The following ALDOC variants were observed in gnomAD, a reference collection of about 807,000 sequenced individuals.
ALDOC encodes fructose-bisphosphate aldolase C.
A neutral mutation model predicts 39.5 loss-of-function variants in ALDOC; 23 were observed. The observed-to-expected ratio is 0.58, with a 90% CI of 0.42 to 0.82. The LOEUF is 0.82. Ranked by LOEUF, ALDOC falls within the 40% of genes least tolerant of loss-of-function variation. The probability of loss-of-function intolerance (pLI) is 0.00; values close to 1 mark genes in which losing one functional copy is unlikely to be tolerated. For missense variants in ALDOC, 356 were observed against 479.1 expected (o/e 0.74, Z 2.40); for synonymous variants, 160 against 182.6 (o/e 0.88, Z 1.00).
chr17:28,576,879 G>A lies in ALDOC; in HGVS notation c.-91C>T. The A allele has an allele frequency of 3.0e-6, 3 of 985,500 alleles. No homozygotes were observed. The highest frequency in any genetic ancestry group is 3.6e-6 in the Non-Finnish European group (3 of 829,998). 61.0% of individuals were successfully genotyped at this position (985,500 alleles called of 1,614,324 possible). On this transcript the variant is annotated 5_prime_UTR_variant, in exon 1 of 9. Transcript: ENST00000226253. Reference sequence around the variant, plus strand: ...CGCAAACAGATGAGGCTGCAGCCCTGGCTCCCTCTGGTAAATGAGGCTGCG... The same window carrying A: ...CGCAAACAGATGAGGCTGCAGCCCTAGCTCCCTCTGGTAAATGAGGCTGCG...
At position 28,573,364 on chromosome 17, in the gene ALDOC, C is replaced by T. The variant is rs117983797; in HGVS notation, c.*162G>A. ...CTCCCTATCCTCCCATCCTATGGTC[C>T]CAGGTGCAGCAATGAGAGAGGGGAA... is the stretch of plus-strand genomic sequence containing the variant. On this transcript the variant is annotated 3_prime_UTR_variant, in exon 9 of 9. Coordinates refer to ENST00000226253, the MANE Select transcript of ALDOC (RefSeq NM_005165.3). The surrounding 1 kb of genome is among the most constrained non-coding windows in gnomAD (Gnocchi z 4.3). The T allele has an allele frequency of 0.038, 26,260 of 688,676 alleles. 658 individuals carry two copies. The highest frequency in any genetic ancestry group is 0.046 in the Non-Finnish European group (17,498 of 383,980). 42.7% of individuals were successfully genotyped at this position (688,676 alleles called of 1,614,324 possible).
Position 28,575,385 on chromosome 17 carries a change from CACCTGT to C in ALDOC, c.112+30_112+35del, listed in dbSNP as rs778695903. On this transcript the variant is annotated intron_variant, in intron 2 of 8. Transcript: ENST00000226253. This position sits in a 1 kb window ranked among gnomAD's most constrained non-coding sequence, Gnocchi z 4.3. The stretch of plus-strand genomic sequence containing the variant: ...GAGAACATCCCCAGGGTCCCCTAGC[CACCTGT>C]ACCCTACCTGGCTACAGATGTCCAC... The C allele has an allele frequency of 1.9e-6, 3 of 1,614,082 alleles. No homozygotes were observed. The East Asian group carries it at 6.7e-5, about 36-fold the overall frequency.
rs749834508 is a variant in ALDOC at position 28,573,538 on chromosome 17, G to C, written c.1083C>G (p.Asn361Lys). 5 of 1,614,134 alleles carry C rather than the reference G, an allele frequency of 3.1e-6. No individual in the cohort carries two copies. The highest frequency in any genetic ancestry group is 1.7e-5 in the Admixed American group (1 of 60,032). ...GAAAQSLYIA[N>K]HAY ...ATGGAGTGGATACTCAGTAGGCATG[G>C]TTGGCAATGTAGAGTGACTGTGCTG... The change falls in exon 9 of 9, where the codon AAC (asparagine) becomes AAG (lysine). Residue 361 changes from asparagine (N) to lysine (K), a missense_variant. By Grantham distance (94) the Asn-to-Lys change is moderately conservative (BLOSUM62 0). Coordinates refer to ENST00000226253, the MANE Select transcript of ALDOC (RefSeq NM_005165.3). The surrounding 1 kb of genome is among the most constrained non-coding windows in gnomAD (Gnocchi z 4.3).
In ALDOC at chr17:28,575,370, C is replaced by T. The variant is rs766976748; in HGVS notation, c.113-36G>A. 2 of 1,614,038 alleles carry T rather than the reference C, an allele frequency of 1.2e-6. No homozygotes were observed. Among genetic ancestry groups the T allele is most frequent in the South Asian group, 1.1e-5 (1 of 91,088 alleles). On this transcript the variant is annotated intron_variant, in intron 2 of 8. Coordinates refer to ENST00000226253, the MANE Select transcript of ALDOC (RefSeq NM_005165.3). The surrounding 1 kb of genome is among the most constrained non-coding windows in gnomAD (Gnocchi z 4.3). ...ACAAAGAGAGGCAGTGAGAACATCC[C>T]CAGGGTCCCCTAGCCACCTGTACCC... is the stretch of plus-strand genomic sequence containing the variant.
rs2151517436 is a variant in ALDOC at position 28,575,708 on chromosome 17, A to C, written c.-12-164T>G. 3.4e-6 allele frequency: 3 copies of C among 870,416 alleles called. No individual in the cohort carries two copies. The South Asian group carries it at 5.4e-5, about 16-fold the overall frequency. 53.9% of individuals were successfully genotyped at this position (870,416 alleles called of 1,614,324 possible). A position where few individuals can be genotyped will look rare whatever the true frequency, so the allele number is the denominator to read the frequency against. On this transcript the variant is annotated intron_variant, in intron 1 of 8. Transcript: ENST00000226253. The surrounding 1 kb of genome is among the most constrained non-coding windows in gnomAD (Gnocchi z 4.3). ...GGCACCAGTCCTTCTGACAGCTAGCAAGCTTAGGGCTCCAGTTCCCACATC... is the reference window on the plus strand; with the variant it reads ...GGCACCAGTCCTTCTGACAGCTAGCCAGCTTAGGGCTCCAGTTCCCACATC...
In ALDOC at chr17:28,574,147, C is replaced by T; in HGVS notation, c.719G>A (p.Cys240Tyr). 1 of 1,612,042 alleles carries T rather than the reference C, an allele frequency of 6.2e-7. No homozygotes were observed. Among genetic ancestry groups the T allele is most frequent in the South Asian group, 1.1e-5 (1 of 90,812 alleles). Residue 240 changes from cysteine (C) to tyrosine (Y), a missense_variant, in exon 7 of 9, where the codon TGT becomes TAT. By Grantham distance (194) the Cys-to-Tyr change is radical (BLOSUM62 -2). Coordinates refer to ENST00000226253, the MANE Select transcript of ALDOC (RefSeq NM_005165.3). ...KPNMVTPGHA[C>Y]PIKYTPEEIA... ...CTCCTCTGGGGTATACTTGATGGGA[C>T]AGGCATGGCCCGGGGTCACCATGTT...
rs765845189 is a variant in ALDOC, at chr17:28,574,090, C to T, written c.776G>A (p.Arg259His). Reference sequence around the variant, plus strand: ...ACCTGGGACAGCTGGGGGCACAGTGCGACGCAGGGCAGTGACAGTTGCCAT... The same window carrying T: ...ACCTGGGACAGCTGGGGGCACAGTGTGACGCAGGGCAGTGACAGTTGCCAT... Reference protein sequence around the residue: ...IAMATVTALRRTVPPAVPGVT... With the variant: ...IAMATVTALRHTVPPAVPGVT... Residue 259 changes from arginine (R) to histidine (H), a missense_variant, in exon 7 of 9, where the codon CGC (arginine) becomes CAC (histidine). Coordinates refer to ENST00000226253, the MANE Select transcript of ALDOC (RefSeq NM_005165.3). The T allele has an allele frequency of 1.7e-5, 27 of 1,598,850 alleles. No homozygotes were observed. The highest frequency in any genetic ancestry group is 5.1e-5 in the Admixed American group (3 of 58,878).
chr17:28,575,593 C>G lies in ALDOC; in HGVS notation c.-12-49G>C. 6.3e-7 allele frequency: 1 copy of G among 1,578,510 alleles called. No individual in the cohort carries two copies. ...AGCCAGACCTCACCCTCTGCTGCCTCTCCTGGCCAGATGGGCCAAATGGCC... is the reference window on the plus strand; with the variant it reads ...AGCCAGACCTCACCCTCTGCTGCCTGTCCTGGCCAGATGGGCCAAATGGCC... On this transcript the variant is annotated intron_variant, in intron 1 of 8. Coordinates refer to ENST00000226253, the MANE Select transcript of ALDOC (RefSeq NM_005165.3). The surrounding 1 kb of genome is among the most constrained non-coding windows in gnomAD (Gnocchi z 4.3).
rs571164101 is a variant in ALDOC, at chr17:28,573,934, C to G, written c.800G>C (p.Gly267Ala). The G allele has an allele frequency of 1.9e-5, 30 of 1,614,088 alleles. No homozygotes were observed. In the African/African-American group the frequency reaches 3.6e-4, roughly 19 times the overall value. ...LRRTVPPAVP[G>A]VTFLSGGQSE... ...CTGACCCCCAGACAGGAAGGTCACT[C>G]CTAGTGTGGAGGAGAGAAGACAAAC... Residue 267 changes from glycine (G) to alanine (A), a missense_variant and splice_region_variant, in exon 8 of 9, where the codon GGA becomes GCA. Transcript: ENST00000226253. The surrounding 1 kb of genome is among the most constrained non-coding windows in gnomAD (Gnocchi z 4.3).
At chr17:28,574,656 A>G (rs1165965815) in intron 5 of ALDOC, 40 bp downstream of exon 5, 1 of 1,613,912 alleles carries the variant, frequency 6.2e-7, no homozygotes, top group East Asian at 2.2e-5. Context: ...CCCACCAGGC[A>G]TACAGGGCAC....
chr17:28,576,000 G>A lies in ALDOC; in HGVS notation c.-12-456C>T. 1 of 1,003,630 alleles carries A rather than the reference G, an allele frequency of 1.0e-6. No homozygotes were observed. Among genetic ancestry groups the A allele is most frequent in the Non-Finnish European group, 1.2e-6 (1 of 840,106 alleles). 62.2% of individuals were successfully genotyped at this position (1,003,630 alleles called of 1,614,324 possible). On this transcript the variant is annotated intron_variant, in intron 1 of 8. Transcript: ENST00000226253. This position sits in a 1 kb window ranked among gnomAD's most constrained non-coding sequence, Gnocchi z 4.3. The stretch of plus-strand genomic sequence containing the variant: ...TCAGAATGAGGCAAAAGTACTTATT[G>A]CCACCCTCTTCTCTCAGCTTCTAGA...
chr17:28,574,075 G>C lies in ALDOC; in HGVS notation c.791C>G (p.Ala264Gly). ...VTALRRTVPP[A>G]VPGVTFLSGG... ...AGGGAGCTGGGTAGTACCTGGGACA[G>C]CTGGGGGCACAGTGCGACGCAGGGC... Residue 264 changes from alanine to glycine, a missense_variant, in exon 7 of 9, where the codon GCT (alanine) becomes GGT (glycine). Coordinates refer to ENST00000226253, the MANE Select transcript of ALDOC (RefSeq NM_005165.3). The C allele has an allele frequency of 6.3e-7, 1 of 1,596,360 alleles. No individual in the cohort carries two copies. The highest frequency in any genetic ancestry group is 8.5e-7 in the Non-Finnish European group (1 of 1,170,680).
At position 28,575,965 on chromosome 17, in the gene ALDOC, T is replaced by G; in HGVS notation, c.-12-421A>C. ...GGACCCCTAGGGAAAGTGTACTTAC[T>G]TCCAAGGCTTCAGAATGAGGCAAAA... On this transcript the variant is annotated intron_variant, in intron 1 of 8. Transcript: ENST00000226253. The surrounding 1 kb of genome is among the most constrained non-coding windows in gnomAD (Gnocchi z 4.3). The G allele has an allele frequency of 2.0e-6, 2 of 1,016,528 alleles. No homozygotes were observed. Among genetic ancestry groups the G allele is most frequent in the Non-Finnish European group, 2.4e-6 (2 of 847,548 alleles). The allele number at this position is 1,016,528 out of a possible 1,614,324, so 63.0% of individuals were successfully genotyped here.
rs899625433 is a variant in ALDOC at position 28,575,117 on chromosome 17, C to T, written c.324+6G>A. On this transcript the variant is annotated splice_donor_region_variant and intron_variant, in intron 3 of 8. Coordinates refer to ENST00000226253, the MANE Select transcript of ALDOC (RefSeq NM_005165.3). This position sits in a 1 kb window ranked among gnomAD's most constrained non-coding sequence, Gnocchi z 4.3. Reference sequence around the variant, plus strand: ...CTTCCATTCAGAGCAGGGCCAGGGGCTGCACCTTGATGCCCACGACGATGC... The same window carrying T: ...CTTCCATTCAGAGCAGGGCCAGGGGTTGCACCTTGATGCCCACGACGATGC... 1 of 1,614,212 alleles carries T rather than the reference C, an allele frequency of 6.2e-7. No individual in the cohort carries two copies. The highest frequency in any genetic ancestry group is 8.5e-7 in the Non-Finnish European group (1 of 1,180,038).
chr17:28,573,224 C>T lies in ALDOC; in HGVS notation c.*302G>A, dbSNP rs996928605. On this transcript the variant is annotated 3_prime_UTR_variant, in exon 9 of 9. Coordinates refer to ENST00000226253, the MANE Select transcript of ALDOC (RefSeq NM_005165.3). The surrounding 1 kb of genome is among the most constrained non-coding windows in gnomAD (Gnocchi z 4.3). ...GAGACAGGGCAGGCAAGAAGGAGAG[C>T]CCAGGGAGAAGCTACCTCATCATGG... The T allele has an allele frequency of 2.6e-4, 132 of 501,698 alleles. No homozygotes were observed. Among genetic ancestry groups the T allele is most frequent in the African/African-American group, 2.3e-3 (119 of 51,916 alleles). The allele number at this position is 501,698 out of a possible 1,614,324, so 31.1% of individuals were successfully genotyped here. A position where few individuals can be genotyped will look rare whatever the true frequency, so the allele number is the denominator to read the frequency against.
In ALDOC at chr17:28,575,409, A is replaced by T. The variant is rs559343671; in HGVS notation, c.112+12T>A. On this transcript the variant is annotated intron_variant, in intron 2 of 8. Coordinates refer to ENST00000226253, the MANE Select transcript of ALDOC (RefSeq NM_005165.3). The surrounding 1 kb of genome is among the most constrained non-coding windows in gnomAD (Gnocchi z 4.3). ...CCACCTGTACCCTACCTGGCTACAG[A>T]TGTCCACTTACCTACAGACTCATCC... 4.1e-5 allele frequency: 66 copies of T among 1,614,228 alleles called. No individual in the cohort carries two copies. In the South Asian group the frequency reaches 7.1e-4, roughly 17 times the overall value.
chr17:28,575,497 C>T lies in ALDOC; in HGVS notation c.36G>A (p.Gln12=), dbSNP rs557880614. The T allele has an allele frequency of 1.2e-6, 2 of 1,614,112 alleles. No individual in the cohort carries two copies. Among genetic ancestry groups the T allele is most frequent in the South Asian group, 1.1e-5 (1 of 91,094 alleles). Residue 12 remains glutamine (Q), a synonymous_variant, in exon 2 of 9, where the codon CAG becomes CAA. Coordinates refer to ENST00000226253, the MANE Select transcript of ALDOC (RefSeq NM_005165.3). This position sits in a 1 kb window ranked among gnomAD's most constrained non-coding sequence, Gnocchi z 4.3. Reference sequence around the variant, plus strand: ...GGGCAATGTCAGACAACTCCTTCTTCTGCTCAGCAGAAAGGGCTGGGTACG... The same window carrying T: ...GGGCAATGTCAGACAACTCCTTCTTTTGCTCAGCAGAAAGGGCTGGGTACG... ...PHSYPALSAE[Q]KKELSDIALR... is the part of the protein sequence containing the mutation.
rs543439010 is a variant in ALDOC at position 28,575,760 on chromosome 17, C to T, written c.-12-216G>A. ...CCTTTTGTCCCTGGTAGGCATCCTTCCCAGCCCTGGGGAAAGATGCAGGGT... is the reference window on the plus strand; with the variant it reads ...CCTTTTGTCCCTGGTAGGCATCCTTTCCAGCCCTGGGGAAAGATGCAGGGT... On this transcript the variant is annotated intron_variant, in intron 1 of 8. Transcript: ENST00000226253. This position sits in a 1 kb window ranked among gnomAD's most constrained non-coding sequence, Gnocchi z 4.3. 5.5e-3 allele frequency: 3,835 copies of T among 693,334 alleles called. 18 individuals are homozygous for T. The highest frequency in any genetic ancestry group is 9.5e-3 in the Middle Eastern group (22 of 2,312). The allele number at this position is 693,334 out of a possible 1,614,324, so 42.9% of individuals were successfully genotyped here. A position where few individuals can be genotyped will look rare whatever the true frequency, so the allele number is the denominator to read the frequency against.
At chr17:28,574,605 A>AGG (rs1567620170) in intron 5 of ALDOC, 28 bp from the exon 6 acceptor site, 1 of 1,613,908 alleles carries the variant, frequency 6.2e-7, no homozygotes, top group African/African-American at 1.3e-5. Flanking sequence ...GATGCTTGGG[A>AGG]GGGGCAGTAG....
Sources: gnomAD v4.1 joint callset for allele counts on GRCh38, gnomAD v4.1.1 for gene constraint, Gnocchi (gnomAD v3.1) non-coding constraint, MANE v1.5 for transcripts, NCBI Gene and HGNC (gene_info 2026-07-23, HGNC 2026-07-21) for gene names.